KCNG3: variants seen among roughly 807,000 people sequenced by gnomAD.
The protein encoded by KCNG3 is voltage-gated potassium channel regulatory subunit KCNG3.
KCNG3 carries 15 observed loss-of-function variants against 29.0 expected under a neutral mutation model. The ratio of observed to expected loss-of-function variants is 0.52; its 90% CI spans 0.35 to 0.80. The LOEUF is 0.80. KCNG3 is among the 30% of genes least tolerant of loss of function. The pLI, the probability that KCNG3 is intolerant of heterozygous loss-of-function variation, is 0.01. For missense variants in KCNG3, 512 were observed against 605.7 expected (o/e 0.85, Z 1.62); for synonymous variants, 322 against 248.9 (o/e 1.29, Z -2.76).
At chr2:42,451,554 G>A (rs191533888) in intron 1 of KCNG3, among the ~76,000 whole-genome samples, 43 of 151,936 alleles carry the variant, frequency 2.8e-4, no homozygotes, top group Middle Eastern at 3.4e-3. Context: ...GTGAAACCCC[G>A]TCTCTACTAA....
At chr2:42,398,728 G>A in the KCNG3 span, among the ~76,000 whole-genome samples, 12 of 152,192 alleles carry the variant, frequency 7.9e-5, no homozygotes, top group African/African-American at 2.4e-4. Flanking sequence ...ACGTATCCAA[G>A]GGACAGGAGC....
chr2:42,470,499 A>G (rs994429109), intron 1 of KCNG3, among the ~76,000 whole-genome samples: 1 of 152,206 alleles, frequency 6.6e-6, no homozygotes, highest in African/African-American at 2.4e-5. Context: ...CTGTTTCTAC[A>G]AATATTTTAA....
the KCNG3 span, among the ~76,000 whole-genome samples, chr2:42,424,319 T>C: frequency 6.6e-6 from 1 of 152,068 alleles, no homozygotes. Context: ...GCCACAGATT[T>C]ACAGGGGACA....
At position 42,449,818 on chromosome 2, in the gene KCNG3, T is replaced by A. The variant is rs77598681; in HGVS notation, c.666-5239A>T. Among the ~76,000 whole-genome samples the A allele has an allele frequency of 4.4e-3, 672 of 152,284 alleles. 5 individuals are homozygous for A. Among genetic ancestry groups the A allele is most frequent in the Non-Finnish European group, 4.7e-3 (323 of 68,022 alleles). ...AAATATGGTAGGTAGTAGTAAGATG[T>A]GCACTTAAAAGGGATTGCAGGAGCA... On this transcript the variant is annotated intron_variant, in intron 1 of 1. Coordinates refer to ENST00000306078, the MANE Select transcript of KCNG3 (RefSeq NM_133329.6).
intron 1 of KCNG3, chr2:42,469,798 C>A (rs1158036632): frequency 1.1e-5 from 2 of 185,004 alleles, no homozygotes; most frequent in African/African-American, 2.3e-5. Context: ...CTTCCTTTCG[C>A]TGCCTGACTG....
At chr2:42,409,699 CAAAAAAAAAA>C in the KCNG3 span, among the ~76,000 whole-genome samples, 719 of 51,978 alleles carry the variant, frequency 0.014, 9 homozygotes, top group African/African-American at 0.038. Context: ...GTGCCTGTCT[CAAAAAAAAAA>C]AAAAAAAAAA....
the KCNG3 span, among the ~76,000 whole-genome samples, chr2:42,416,495 C>T: frequency 1.3e-5 from 2 of 152,018 alleles, no homozygotes; most frequent in African/African-American, 4.8e-5. Flanking sequence ...ATGGCAAAGA[C>T]AAAATAACCA....
At position 42,481,819 on chromosome 2, in the gene KCNG3, G is replaced by T. The variant is rs115542784; in HGVS notation, c.665+11018C>A. On this transcript the variant is annotated intron_variant, in intron 1 of 1. Transcript: ENST00000306078. ...CCAGCTATCTTCCCAGGTGCCTCCT[G>T]CATCCCTCCAGGACCCTATTCAGGC... 5.5e-3 allele frequency among the ~76,000 whole-genome samples: 834 copies of T among 152,176 alleles called. 2 individuals carry two copies. The highest frequency in any genetic ancestry group is 0.018 in the African/African-American group (756 of 41,498).
chr2:42,390,323 T>C, the KCNG3 span, among the ~76,000 whole-genome samples: 1 of 152,240 alleles, frequency 6.6e-6, no homozygotes, highest in Non-Finnish European at 1.5e-5. Context: ...TAAGCTCCTT[T>C]AGAAAAGCTC....
the KCNG3 span, among the ~76,000 whole-genome samples, chr2:42,405,206 A>C: frequency 6.6e-6 from 1 of 152,262 alleles, no homozygotes; most frequent in Non-Finnish European, 1.5e-5. Context: ...CACGTTTTAT[A>C]GCTCTCTACT....
At chr2:42,396,240 T>C in the KCNG3 span, among the ~76,000 whole-genome samples, 4 of 152,216 alleles carry the variant, frequency 2.6e-5, no homozygotes, top group Non-Finnish European at 5.9e-5. Context: ...AGTTGAACCA[T>C]ATAAGCCAGG....
Position 42,493,154 on chromosome 2 carries a change from G to A in KCNG3, c.348C>T (p.Leu116=). 6.2e-7 allele frequency: 1 copy of A among 1,606,400 alleles called. No individual in the cohort carries two copies. Among genetic ancestry groups the A allele is most frequent in the East Asian group, 2.2e-5 (1 of 44,692 alleles). ...AHLEYCCQRR[L]DDRMSDTYTF... ...TGTAGGTGTCGGACATGCGGTCGTC[G>A]AGGCGGCGCTGGCAGCAGTACTCGA... The change falls in exon 1 of 2, where the codon CTC becomes CTT. Residue 116 remains leucine (L), a synonymous_variant. Coordinates refer to ENST00000306078, the MANE Select transcript of KCNG3 (RefSeq NM_133329.6).
the KCNG3 span, among the ~76,000 whole-genome samples, chr2:42,406,387 T>C: frequency 5.9e-5 from 9 of 151,476 alleles, no homozygotes; most frequent in African/African-American, 2.2e-4. Flanking sequence ...ACCTGGCTAA[T>C]TTCGTATTTT....
At chr2:42,424,275 T>C in the KCNG3 span, among the ~76,000 whole-genome samples, 1 of 152,260 alleles carries the variant, frequency 6.6e-6, no homozygotes, top group South Asian at 2.1e-4. Flanking sequence ...ATTCACAGCC[T>C]GAACACAAAA....
At chr2:42,457,330 GAA>G (rs34377811) in intron 1 of KCNG3, among the ~76,000 whole-genome samples, 1 of 135,886 alleles carries the variant, frequency 7.4e-6, no homozygotes, top group Non-Finnish European at 1.6e-5. Flanking sequence ...GCAAAATACA[GAA>G]AAAAAAAAAA....
intron 1 of KCNG3, among the ~76,000 whole-genome samples, chr2:42,455,662 G>T (rs1572846373): frequency 6.6e-6 from 1 of 152,238 alleles, no homozygotes; most frequent in South Asian, 2.1e-4. Context: ...CCAGTTACTT[G>T]GGAGGCTGAA....
chr2:42,488,317 T>C (rs776184719), intron 1 of KCNG3, among the ~76,000 whole-genome samples: 1 of 152,216 alleles, frequency 6.6e-6, no homozygotes, highest in Non-Finnish European at 1.5e-5. Flanking sequence ...AAGTAAACCA[T>C]ACTCTTATCT....
chr2:42,476,179 T>G (rs1673419994), intron 1 of KCNG3, among the ~76,000 whole-genome samples: 1 of 152,046 alleles, frequency 6.6e-6, no homozygotes, highest in African/African-American at 2.4e-5. Context: ...CTGTTACAAA[T>G]TTTACAACCA....
At chr2:42,461,181 A>AC (rs1255993458) in intron 1 of KCNG3, among the ~76,000 whole-genome samples, 7 of 65,850 alleles carry the variant, frequency 1.1e-4, no homozygotes, top group Non-Finnish European at 1.3e-4. Flanking sequence ...ACAAAACAAA[A>AC]CAAAAAAAAA....
Sources: gnomAD v4.1 joint callset for allele counts (sites outside exome capture counted in the v4.1 genomes callset) on GRCh38, gnomAD v4.1.1 for gene constraint, MANE v1.5 for transcripts, NCBI Gene and HGNC (gene_info 2026-07-23, HGNC 2026-07-21) for gene names.